The following PCID2 variants were observed in gnomAD, a reference collection of about 807,000 sequenced individuals.
The protein encoded by PCID2 is PCI domain containing 2.
A neutral mutation model predicts 61.3 loss-of-function variants in PCID2; 41 were observed. The observed-to-expected ratio is 0.67, with a 90% CI of 0.52 to 0.87. PCID2 has a LOEUF of 0.87. Ranked by LOEUF, PCID2 falls within the 40% of genes least tolerant of loss-of-function variation. The probability of loss-of-function intolerance (pLI) is 0.00; values close to 1 mark genes in which losing one functional copy is unlikely to be tolerated. For synonymous variants in PCID2, 187 were observed against 177.8 expected (o/e 1.05, Z -0.41); for missense variants, 392 against 493.4 (o/e 0.79, Z 1.95).
chr13:113,179,741 C>T lies in PCID2; in HGVS notation c.986+176G>A, dbSNP rs921279273. ...CACAGCTTGTGCTACTCACGTGTCT[C>T]GCGCAGGGTCCCCAGGAGGCAGTGG... On this transcript the variant is annotated intron_variant, in intron 12 of 13. Transcript: ENST00000337344. This position sits in a 1 kb window ranked among gnomAD's most constrained non-coding sequence, Gnocchi z 4.3. 6.6e-6 allele frequency among the ~76,000 whole-genome samples: 1 copy of T among 152,170 alleles called. No individual in the cohort carries two copies. Among genetic ancestry groups the T allele is most frequent in the African/African-American group, 2.4e-5 (1 of 41,444 alleles).
At chr13:113,191,035 C>A in intron 6 of PCID2, 60 bp from the exon 7 acceptor site, 1 of 1,237,544 alleles carries the variant, frequency 8.1e-7, no homozygotes, top group South Asian at 1.3e-5. Context: ...CTGTGTCGTC[C>A]AGGCTGGACT....
Position 113,179,804 on chromosome 13 carries a change from A to G in PCID2, c.986+113T>C. On this transcript the variant is annotated intron_variant, in intron 12 of 13. Transcript: ENST00000337344. The surrounding 1 kb of genome is among the most constrained non-coding windows in gnomAD (Gnocchi z 4.3). The stretch of plus-strand genomic sequence containing the variant: ...TTTTATCCCACACAATGGAAGGAAG[A>G]TAACGACCCCACCCACACGGTGGCC... The G allele has an allele frequency of 1.9e-6, 2 of 1,064,412 alleles. No individual in the cohort carries two copies. The highest frequency in any genetic ancestry group is 2.6e-5 in the Admixed American group (1 of 38,108). 65.9% of individuals were successfully genotyped at this position (1,064,412 alleles called of 1,614,324 possible). A position where few individuals can be genotyped will look rare whatever the true frequency, so the allele number is the denominator to read the frequency against.
the PCID2 span, among the ~76,000 whole-genome samples, chr13:113,165,706 T>G: frequency 2.6e-5 from 4 of 152,090 alleles, no homozygotes; most frequent in Admixed American, 6.6e-5. Context: ...GATTTTTATA[T>G]TTTTAGTAGA....
At chr13:113,204,985 T>C (rs1363390242) in intron 1 of PCID2, among the ~76,000 whole-genome samples, 2 of 152,148 alleles carry the variant, frequency 1.3e-5, no homozygotes, top group African/African-American at 2.4e-5. Context: ...CCAGGAAGAC[T>C]TCCTTGTGGT....
In PCID2 at chr13:113,208,424, C is replaced by A. The variant is rs542991540; in HGVS notation, c.36+175G>T. The A allele has an allele frequency of 8.6e-4, 1,280 of 1,493,848 alleles. 20 individuals are homozygous for A. The highest frequency in any genetic ancestry group is 1.0e-4 in the Non-Finnish European group (115 of 1,123,886). The allele number at this position is 1,493,848 out of a possible 1,614,324, so 92.5% of individuals were successfully genotyped here. On this transcript the variant is annotated intron_variant, in intron 1 of 13. Coordinates refer to ENST00000337344, the MANE Select transcript of PCID2 (RefSeq NM_001127202.4). ...CCCTGCAGGGGAGAACTCGGGCCGC[C>A]TTCCCGAGTCCCGGCCGCCGCTGTT...
chr13:113,169,353 T>C, the PCID2 span, among the ~76,000 whole-genome samples: 1 of 152,254 alleles, frequency 6.6e-6, no homozygotes, highest in Non-Finnish European at 1.5e-5. Flanking sequence ...TTTGAACATT[T>C]GGACTACAGT....
intron 2 of PCID2, among the ~76,000 whole-genome samples, chr13:113,200,014 T>C (rs1316203863): frequency 1.3e-5 from 2 of 152,238 alleles, no homozygotes. Flanking sequence ...ACGCCACAGA[T>C]GACATGGAAA....
chr13:113,165,329 C>T, the PCID2 span: 5 of 643,594 alleles, frequency 7.8e-6, no homozygotes, highest in Admixed American at 1.1e-4. Flanking sequence ...TTATTTACAG[C>T]CCCCAAGACC....
intron 9 of PCID2, among the ~76,000 whole-genome samples, chr13:113,181,680 ATAAT>A (rs1490641724): frequency 1.3e-5 from 2 of 152,248 alleles, no homozygotes; most frequent in Non-Finnish European, 2.9e-5. Flanking sequence ...AGCTTAACAT[ATAAT>A]TAGTGATCAT....
chr13:113,171,467 C>A, the PCID2 span: 1 of 1,139,932 alleles, frequency 8.8e-7, no homozygotes, highest in Non-Finnish European at 1.3e-6. This position sits in a 1 kb window ranked among gnomAD's most constrained non-coding sequence, Gnocchi z 5.1. Context: ...CACCACGGGG[C>A]GGTGAGCCTG....
At chr13:113,192,657 C>G (rs911668015) in intron 6 of PCID2, among the ~76,000 whole-genome samples, 1 of 152,182 alleles carries the variant, frequency 6.6e-6, no homozygotes, top group African/African-American at 2.4e-5. Context: ...TTTCCTTACT[C>G]CAAGGCTTTT....
intron 1 of PCID2, among the ~76,000 whole-genome samples, chr13:113,207,113 G>A (rs1469388309): frequency 6.6e-6 from 1 of 152,196 alleles, no homozygotes; most frequent in African/African-American, 2.4e-5. Context: ...CAGCAAGTAG[G>A]CTTCACTCTA....
At chr13:113,197,322 G>T in intron 3 of PCID2, 79 bp from the exon 4 acceptor site, 3 of 962,492 alleles carry the variant, frequency 3.1e-6, no homozygotes, top group Non-Finnish European at 5.1e-6. Context: ...TCACTTCATT[G>T]CACAGGTCCC....
Position 113,179,125 on chromosome 13 carries a change from G to A in PCID2, c.987-36C>T, listed in dbSNP as rs756640183. 6.9e-6 allele frequency: 11 copies of A among 1,598,852 alleles called. No homozygotes were observed. The highest frequency in any genetic ancestry group is 6.7e-5 in the East Asian group (3 of 44,700). ...GGAGGAGAAGGGCACTGTGGTTACCGACAGGATGCAATACTCCACAGCCAA... is the reference window on the plus strand; with the variant it reads ...GGAGGAGAAGGGCACTGTGGTTACCAACAGGATGCAATACTCCACAGCCAA... On this transcript the variant is annotated intron_variant, in intron 12 of 13. Coordinates refer to ENST00000337344, the MANE Select transcript of PCID2 (RefSeq NM_001127202.4). This position sits in a 1 kb window ranked among gnomAD's most constrained non-coding sequence, Gnocchi z 4.3.
At chr13:113,202,112 G>T (rs2039478545) in intron 1 of PCID2, among the ~76,000 whole-genome samples, 1 of 152,184 alleles carries the variant, frequency 6.6e-6, no homozygotes, top group African/African-American at 2.4e-5. Context: ...GTAACTTGGG[G>T]TAAATTTTTA....
chr13:113,194,935 C>A, intron 6 of PCID2, 136 bp downstream of exon 6: 3 of 669,334 alleles, frequency 4.5e-6, no homozygotes, highest in Non-Finnish European at 8.2e-6. Context: ...CAATATCTTT[C>A]TTTTGCTCCC....
chr13:113,204,437 C>T (rs1338589358), intron 1 of PCID2, among the ~76,000 whole-genome samples: 3 of 152,198 alleles, frequency 2.0e-5, no homozygotes, highest in Non-Finnish European at 4.4e-5. Context: ...GACACCGGGG[C>T]CCTCCAAGGA....
In PCID2 at chr13:113,189,945, C is replaced by T. The variant is rs1311441766; in HGVS notation, c.467+927G>A. 2.6e-5 allele frequency among the ~76,000 whole-genome samples: 4 copies of T among 151,902 alleles called. No homozygotes were observed. In the East Asian group the frequency reaches 7.7e-4, roughly 29 times the overall value. On this transcript the variant is annotated intron_variant, in intron 7 of 13. Transcript: ENST00000337344. ...GGCTGAGGCAGGAGAATGGCTTGAA[C>T]CCAGGAGGCGGAGGTTGCAGTGAGC...
intron 1 of PCID2, among the ~76,000 whole-genome samples, chr13:113,206,144 T>C (rs891768623): frequency 5.9e-5 from 9 of 152,218 alleles, no homozygotes; most frequent in Admixed American, 5.9e-4. Flanking sequence ...TTCAATAAAA[T>C]ACCAGAACTA....
Sources: gnomAD v4.1 joint callset for allele counts (sites outside exome capture counted in the v4.1 genomes callset) on GRCh38, gnomAD v4.1.1 for gene constraint, Gnocchi (gnomAD v3.1) non-coding constraint, MANE v1.5 for transcripts, NCBI Gene and HGNC (gene_info 2026-07-23, HGNC 2026-07-21) for gene names.